Variants in EPRS1 observed in about 807,000 individuals in gnomAD.
EPRS1 encodes the protein glutamyl-prolyl-tRNA synthetase 1, also known as bifunctional glutamate/proline--tRNA ligase.
In EPRS1, 107 loss-of-function variants were observed where a neutral mutation model predicts 188.3. The ratio of observed to expected loss-of-function variants is 0.57; its 90% CI spans 0.49 to 0.67. The LOEUF is 0.67. Ranked by LOEUF, EPRS1 falls within the 30% of genes least tolerant of loss-of-function variation. The pLI is 0.00. For synonymous variants in EPRS1, 596 were observed against 593.1 expected (o/e 1.00, Z -0.07); for missense variants, 1,577 against 1,802.2 (o/e 0.88, Z 2.26).
chr1:220,005,261 A>G lies in EPRS1; in HGVS notation c.2050T>C (p.Tyr684His), dbSNP rs1661436059. The change falls in exon 16 of 32, where the codon TAT (tyrosine) becomes CAT (histidine). Residue 684 changes from tyrosine to histidine, a missense_variant. By Grantham distance (83) the Tyr-to-His change is moderately conservative. Coordinates refer to ENST00000366923, the MANE Select transcript of EPRS1 (RefSeq NM_004446.3). ...RRGFFICDQP[Y>H]EPVSPYSCKE... ...ACATTTACTTACCTAACAGGTTCAT[A>G]AGGTTGATCACATATGAAGAATCCT... is the stretch of plus-strand genomic sequence containing the variant. 7 of 1,514,612 alleles carry G rather than the reference A, an allele frequency of 4.6e-6. No individual in the cohort carries two copies. Among genetic ancestry groups the G allele is most frequent in the Non-Finnish European group, 6.3e-6 (7 of 1,108,920 alleles). 93.8% of individuals were successfully genotyped at this position (1,514,612 alleles called of 1,614,324 possible).
intron 21 of EPRS1, 134 bp downstream of exon 21, chr1:219,984,072 G>GACT: frequency 3.1e-6 from 2 of 653,598 alleles, no homozygotes; most frequent in Non-Finnish European, 5.5e-6. Flanking sequence ...CATGTTAAAT[G>GACT]ACTACACTGT....
At chr1:219,991,476 T>C (rs1029620958) in intron 18 of EPRS1, among the ~76,000 whole-genome samples, 12 of 152,160 alleles carry the variant, frequency 7.9e-5, no homozygotes, top group Non-Finnish European at 1.6e-4. Flanking sequence ...GGGAGGGGGA[T>C]GAATGAAAGG....
In EPRS1 at chr1:220,042,468, G is replaced by C. The variant is rs567916782; in HGVS notation, c.47-2199C>G. Among the ~76,000 whole-genome samples the C allele has an allele frequency of 3.5e-5, 5 of 144,776 alleles. No homozygotes were observed. The East Asian group carries it at 1.0e-3, about 29-fold the overall frequency. 95.0% of individuals were successfully genotyped at this position (144,776 alleles called of 152,430 possible). A position where few individuals can be genotyped will look rare whatever the true frequency, so the allele number is the denominator to read the frequency against. ...CACTGCAGTCCAGCCTGAGCAACAA[G>C]AATGAAACCCCATCTCCCAAAAAAA... On this transcript the variant is annotated intron_variant, in intron 1 of 31. Coordinates refer to ENST00000366923, the MANE Select transcript of EPRS1 (RefSeq NM_004446.3).
intron 16 of EPRS1, among the ~76,000 whole-genome samples, chr1:220,003,180 T>C (rs1026137541): frequency 6.6e-6 from 1 of 152,220 alleles, no homozygotes; most frequent in African/African-American, 2.4e-5. Context: ...TGGTATGCAA[T>C]GATATTTCAT....
chr1:219,970,697 G>A (rs966279831), intron 30 of EPRS1, among the ~76,000 whole-genome samples: 27 of 151,482 alleles, frequency 1.8e-4, no homozygotes, highest in African/African-American at 6.5e-4. Context: ...AGAATCGCTT[G>A]AACTCGGGAG....
intron 12 of EPRS1, among the ~76,000 whole-genome samples, chr1:220,013,555 T>C (rs1166336650): frequency 6.6e-6 from 1 of 152,028 alleles, no homozygotes; most frequent in Non-Finnish European, 1.5e-5. Flanking sequence ...AGTAGGAGAA[T>C]GTCCAAAGAA....
At chr1:219,985,449 C>G (rs1016877340) in intron 20 of EPRS1, among the ~76,000 whole-genome samples, 1 of 152,038 alleles carries the variant, frequency 6.6e-6, no homozygotes, top group Non-Finnish European at 1.5e-5. Flanking sequence ...CTGGAGTGCA[C>G]TGGTGCAATC....
intron 13 of EPRS1, among the ~76,000 whole-genome samples, chr1:220,009,542 C>A (rs780005351): frequency 6.6e-5 from 10 of 151,854 alleles, no homozygotes; most frequent in Non-Finnish European, 1.5e-4. Flanking sequence ...CAAAAATGAG[C>A]CAGATATGGT....
At chr1:219,979,318 C>A (rs1660846424) in intron 27 of EPRS1, 100 bp downstream of exon 27, 1 of 839,660 alleles carries the variant, frequency 1.2e-6, no homozygotes, top group East Asian at 2.6e-5. Context: ...TCAGAGAAAT[C>A]TGCCTGAATG....
chr1:220,044,792 T>C (rs1662370063), intron 1 of EPRS1, among the ~76,000 whole-genome samples: 1 of 150,682 alleles, frequency 6.6e-6, no homozygotes, highest in Non-Finnish European at 1.5e-5. Context: ...CTCCCTTTCT[T>C]AAAACAAGGA....
Position 219,971,242 on chromosome 1 carries a change from A to G in EPRS1, c.4323+827T>C, listed in dbSNP as rs111736158. On this transcript the variant is annotated intron_variant, in intron 30 of 31. Transcript: ENST00000366923. ...CATGTATACCAGAATACTAAAGTCC[A>G]TAAGTGATTCATTCCAATAATTAAA... 6.4e-3 allele frequency among the ~76,000 whole-genome samples: 976 copies of G among 152,326 alleles called. 12 individuals carry two copies. Among genetic ancestry groups the G allele is most frequent in the African/African-American group, 0.022 (924 of 41,574 alleles).
intron 14 of EPRS1, 122 bp downstream of exon 14, chr1:220,007,080 T>C (rs1661503124): frequency 1.3e-6 from 1 of 772,842 alleles, no homozygotes; most frequent in Non-Finnish European, 2.0e-6. Flanking sequence ...GCAGTAGCTA[T>C]GTCTGGGCAG....
intron 28 of EPRS1, 127 bp from the exon 29 acceptor site, chr1:219,973,525 A>C: frequency 4.4e-6 from 2 of 458,576 alleles, no homozygotes; most frequent in Non-Finnish European, 6.7e-6. Context: ...GCCAAAAAAA[A>C]CAAGAGAAAA....
chr1:219,994,421 T>C (rs1378676474), intron 18 of EPRS1, among the ~76,000 whole-genome samples: 1 of 152,188 alleles, frequency 6.6e-6, no homozygotes, highest in Non-Finnish European at 1.5e-5. Context: ...TCTTTATTCA[T>C]CTTTCTTAAA....
At position 220,018,460 on chromosome 1, in the gene EPRS1, A is replaced by C; in HGVS notation, c.1483T>G (p.Phe495Val). Residue 495 changes from phenylalanine (F) to valine (V), a missense_variant, in exon 12 of 32, where the codon TTT becomes GTT. This residue lies in a region of EPRS1 where 1,278 missense variants were observed against 1,457.4 expected (regional missense o/e 0.88). Coordinates refer to ENST00000366923, the MANE Select transcript of EPRS1 (RefSeq NM_004446.3). ...GTTAACATACATACCTTTTTGTTAA[A>C]CGCCCAGATTTTGTCCCACTCCATG... ...VNMEWDKIWA[F>V]NKKVIDPVAP... The C allele has an allele frequency of 1.9e-6, 3 of 1,611,296 alleles. No homozygotes were observed. Among genetic ancestry groups the C allele is most frequent in the Non-Finnish European group, 2.5e-6 (3 of 1,178,276 alleles).
intron 6 of EPRS1, among the ~76,000 whole-genome samples, chr1:220,026,859 G>A (rs1056391700): frequency 6.6e-6 from 1 of 151,520 alleles, no homozygotes; most frequent in Non-Finnish European, 1.5e-5. Flanking sequence ...CCATATGGGA[G>A]GGGGAAAAGT....
chr1:220,041,254 C>T (rs1484349058), intron 1 of EPRS1, among the ~76,000 whole-genome samples: 1 of 151,746 alleles, frequency 6.6e-6, no homozygotes, highest in East Asian at 1.9e-4. Flanking sequence ...ACTGCTTGAG[C>T]CTGGGAAGTC....
At chr1:219,979,721 C>A in intron 26 of EPRS1, 106 bp from the exon 27 acceptor site, 1 of 734,374 alleles carries the variant, frequency 1.4e-6, no homozygotes, top group East Asian at 2.7e-5. Flanking sequence ...CACTTTTTTT[C>A]TCCCTTTTTT....
rs528424236 is a variant in EPRS1 at position 219,979,745 on chromosome 1, G to T, written c.3712-130C>A. 2,417 of 651,342 alleles carry T rather than the reference G, an allele frequency of 3.7e-3. 6 individuals are homozygous for T. Among genetic ancestry groups the T allele is most frequent in the South Asian group, 7.6e-3 (374 of 49,374 alleles). The allele number at this position is 651,342 out of a possible 1,614,324, so 40.3% of individuals were successfully genotyped here. A position where few individuals can be genotyped will look rare whatever the true frequency, so the allele number is the denominator to read the frequency against. ...TCTCCCTTTTTTTACATTAAATAAG[G>T]TTTTTAATTATAAGCATAATTACCA... is the stretch of plus-strand genomic sequence containing the variant. On this transcript the variant is annotated intron_variant, in intron 26 of 31. Transcript: ENST00000366923.
Sources: gnomAD v4.1 joint callset for allele counts (sites outside exome capture counted in the v4.1 genomes callset) on GRCh38, gnomAD v4.1.1 for gene constraint, gnomAD v4.1.1 regional missense constraint, MANE v1.5 for transcripts, NCBI Gene and HGNC (gene_info 2026-07-23, HGNC 2026-07-21) for gene names.